The following ROBO2 variants were observed in gnomAD, a reference collection of about 807,000 sequenced individuals.
ROBO2 encodes roundabout homolog 2.
In ROBO2, 53 loss-of-function variants were observed where a neutral mutation model predicts 160.8. The ratio of observed to expected loss-of-function variants is 0.33; its 90% CI spans 0.26 to 0.41. The LOEUF (loss-of-function observed/expected upper bound fraction) is 0.41. Among genes scored for constraint, ROBO2 ranks in the 10% least tolerant of loss-of-function variants. The pLI, the probability that ROBO2 is intolerant of heterozygous loss-of-function variation, is 1.00. For missense variants in ROBO2, 1,577 were observed against 1,722.4 expected (o/e 0.92, Z 1.49); for synonymous variants, 664 against 611.7 (o/e 1.09, Z -1.26).
At chr3:77,416,504 G>A (rs1365686755) in intron 2 of ROBO2, among the ~76,000 whole-genome samples, 1 of 151,930 alleles carries the variant, frequency 6.6e-6, no homozygotes, top group African/African-American at 2.4e-5. Flanking sequence ...GGATCACAGG[G>A]TCATGAGTTT....
chr3:76,550,768 C>A (rs1400587588), intron 2 of ROBO2, among the ~76,000 whole-genome samples: 1 of 152,232 alleles, frequency 6.6e-6, no homozygotes, highest in Non-Finnish European at 1.5e-5. Context: ...GCTGGCACGA[C>A]CTGGCTGAGT....
At position 76,200,783 on chromosome 3, in the gene ROBO2, A is replaced by T. The variant is rs144374439; in HGVS notation, c.109+263181A>T. 3.5e-3 allele frequency among the ~76,000 whole-genome samples: 527 copies of T among 152,226 alleles called. 7 individuals are homozygous for T. The highest frequency in any genetic ancestry group is 0.026 in the Admixed American group (400 of 15,262). ...AGAACCAAACTGTGTTCAGATTCAG[A>T]TACTGTCTTCACATTGTTGCCTAGC... On this transcript the variant is annotated intron_variant, in intron 2 of 26. Coordinates refer to the ROBO2 transcript ENST00000487694.
chr3:76,188,828 A>G (rs1240859614), intron 2 of ROBO2, among the ~76,000 whole-genome samples: 2 of 152,108 alleles, frequency 1.3e-5, no homozygotes, highest in Non-Finnish European at 2.9e-5. Context: ...TCTGCCTAGT[A>G]TACAGGCAAT....
At chr3:77,031,637 T>C (rs1199838456) in intron 2 of ROBO2, among the ~76,000 whole-genome samples, 1 of 146,520 alleles carries the variant, frequency 6.8e-6, no homozygotes, top group Non-Finnish European at 1.5e-5. Flanking sequence ...TATATATTAA[T>C]TTATTTATAT....
chr3:76,600,661 C>T, intron 2 of ROBO2, among the ~76,000 whole-genome samples: 1 of 152,156 alleles, frequency 6.6e-6, no homozygotes, highest in East Asian at 1.9e-4. Flanking sequence ...ATTCAATCAC[C>T]TCCCACTGGA....
At chr3:76,969,125 C>T (rs2059447149) in intron 2 of ROBO2, among the ~76,000 whole-genome samples, 2 of 152,104 alleles carry the variant, frequency 1.3e-5, no homozygotes, top group African/African-American at 4.8e-5. Context: ...TCAACTGGTT[C>T]AAGGAGCTTT....
Position 77,574,255 on chromosome 3 carries a change from C to T in ROBO2, c.1972-244C>T, listed in dbSNP as rs1204853594. Among the ~76,000 whole-genome samples, 2 of 151,924 alleles carry T rather than the reference C, an allele frequency of 1.3e-5. 1 individual carries two copies. Among genetic ancestry groups the T allele is most frequent in the Non-Finnish European group, 2.9e-5 (2 of 67,988 alleles). On this transcript the variant is annotated intron_variant, in intron 13 of 25. Coordinates refer to ENST00000461745, the Ensembl canonical transcript of ROBO2. ...ATTAATTAGGTTGGTATCTTAGATA[C>T]TGTGAGGTATTTTAAACAGGAGAGA...
chr3:76,075,469 C>A (rs1347511996), intron 2 of ROBO2, among the ~76,000 whole-genome samples: 2 of 86,372 alleles, frequency 2.3e-5, no homozygotes, highest in Non-Finnish European at 2.2e-5. Context: ...GAAGACTTTT[C>A]CTATTTTTTT....
intron 2 of ROBO2, among the ~76,000 whole-genome samples, chr3:76,689,801 CCCATCCAGT>C (rs1462663934): frequency 6.6e-6 from 1 of 152,110 alleles, no homozygotes; most frequent in African/African-American, 2.4e-5. Context: ...TTCCTCTTTG[CCCATCCAGT>C]TCCCCGTTCT....
chr3:76,830,370 T>C (rs1177009701), intron 2 of ROBO2, among the ~76,000 whole-genome samples: 1 of 152,200 alleles, frequency 6.6e-6, no homozygotes, highest in Non-Finnish European at 1.5e-5. Context: ...ATTGTTCTAA[T>C]TCCTTTGCAT....
At chr3:77,253,048 G>T (rs904474662) in intron 2 of ROBO2, among the ~76,000 whole-genome samples, 1 of 151,666 alleles carries the variant, frequency 6.6e-6, no homozygotes, top group Non-Finnish European at 1.5e-5. Flanking sequence ...AAGTTAAAGA[G>T]AACTAGGAAG....
intron 2 of ROBO2, among the ~76,000 whole-genome samples, chr3:76,610,679 CTG>C (rs66492813): frequency 1 from 150,779 of 150,990 alleles, 75,284 homozygotes; most frequent in Middle Eastern, 1. Flanking sequence ...ACTGCGCGTC[CTG>C]TGTGGTCCAG....
At chr3:76,577,386 C>T (rs1272673927) in intron 2 of ROBO2, among the ~76,000 whole-genome samples, 5 of 152,002 alleles carry the variant, frequency 3.3e-5, no homozygotes, top group African/African-American at 9.7e-5. Flanking sequence ...AATGACCTTA[C>T]ACAGCTTTCC....
At chr3:76,818,433 G>A (rs1367700835) in intron 2 of ROBO2, among the ~76,000 whole-genome samples, 1 of 151,714 alleles carries the variant, frequency 6.6e-6, no homozygotes, top group Non-Finnish European at 1.5e-5. Flanking sequence ...GATTTTCTCT[G>A]ACTCTGTGGG....
intron 2 of ROBO2, among the ~76,000 whole-genome samples, chr3:76,619,876 A>C (rs573415010): frequency 1.8e-4 from 28 of 152,314 alleles, no homozygotes; most frequent in Admixed American, 5.2e-4. Flanking sequence ...ATTTGGAAGA[A>C]AGTCTTAAGG....
At chr3:76,484,402 G>A (rs1209296059) in intron 2 of ROBO2, among the ~76,000 whole-genome samples, 1 of 152,152 alleles carries the variant, frequency 6.6e-6, no homozygotes, top group Admixed American at 6.6e-5. Context: ...TATCTGTTGT[G>A]TGTCAGCAAC....
At chr3:76,238,236 A>C (rs564829569) in intron 2 of ROBO2, among the ~76,000 whole-genome samples, 1 of 152,286 alleles carries the variant, frequency 6.6e-6, no homozygotes, top group South Asian at 2.1e-4. Context: ...CTTATAAAGG[A>C]AAGAGGTTTA....
intron 2 of ROBO2, among the ~76,000 whole-genome samples, chr3:77,155,052 A>AAAATAAAT (rs752547824): frequency 3.2e-4 from 48 of 151,430 alleles, no homozygotes; most frequent in African/African-American, 1.1e-3. Context: ...TAAATTTGGG[A>AAAATAAAT]AAATAAATAA....
At chr3:76,855,156 A>G (rs1359608804) in intron 2 of ROBO2, among the ~76,000 whole-genome samples, 3 of 152,236 alleles carry the variant, frequency 2.0e-5, no homozygotes, top group Non-Finnish European at 4.4e-5. Flanking sequence ...AACATTTTAT[A>G]TGGTTTCTCA....
Sources: allele counts gnomAD v4.1 joint callset (sites outside exome capture counted in the v4.1 genomes callset), GRCh38; gene constraint gnomAD v4.1.1; transcripts MANE v1.5; gene names NCBI Gene and HGNC (gene_info 2026-07-23, HGNC 2026-07-21).